MS4A13: variants seen among roughly 807,000 people sequenced by gnomAD.
MS4A13 encodes the protein membrane-spanning 4-domains subfamily A member 13.
A neutral mutation model predicts 18.4 loss-of-function variants in MS4A13; 21 were observed. The ratio of observed to expected loss-of-function variants is 1.14; its 90% CI spans 0.81 to 1.64. The LOEUF (loss-of-function observed/expected upper bound fraction) is 1.64. Ranked by LOEUF, MS4A13 falls within the 40% of genes most tolerant of loss-of-function variation. The probability of loss-of-function intolerance (pLI) is 0.00; values close to 1 mark genes in which losing one functional copy is unlikely to be tolerated. For synonymous variants in MS4A13, 62 were observed against 57.2 expected (o/e 1.08, Z -0.38); for missense variants, 173 against 176.8 (o/e 0.98, Z 0.12).
chr11:60,527,381 TC>T (rs1181999473), intron 5 of MS4A13, among the ~76,000 whole-genome samples: 1 of 113,034 alleles, frequency 8.8e-6, no homozygotes, highest in African/African-American at 4.5e-5. Flanking sequence ...TCTCTCTCTC[TC>T]TCTCTCTCTC....
rs138144316 is a variant in MS4A13 at position 60,524,386 on chromosome 11, T to C, written c.186+433T>C. ...AAGATCCATGCATGGTATAGGTGGA[T>C]AGAATTGGGAAGAACACTTTAGAAT... On this transcript the variant is annotated intron_variant, in intron 4 of 6. Coordinates refer to ENST00000378186, the MANE Select transcript of MS4A13 (RefSeq NM_001012417.3). Among the ~76,000 whole-genome samples the C allele has an allele frequency of 3.7e-3, 564 of 152,298 alleles. 6 individuals carry two copies. The highest frequency in any genetic ancestry group is 0.013 in the African/African-American group (540 of 41,572).
intron 3 of MS4A13, 148 bp downstream of exon 3, chr11:60,518,360 C>CT: frequency 1.5e-6 from 1 of 648,164 alleles, no homozygotes; most frequent in Non-Finnish European, 2.5e-6. Flanking sequence ...AGTCAGATTC[C>CT]TTTTTTCAAC....
Position 60,518,184 on chromosome 11 carries a change from A to G in MS4A13, c.101A>G (p.Lys34Arg). 1 of 1,611,692 alleles carries G rather than the reference A, an allele frequency of 6.2e-7. No homozygotes were observed. The highest frequency in any genetic ancestry group is 8.5e-7 in the Non-Finnish European group (1 of 1,178,510). ...GGAACGTATGAACCTGTAACTTACA[A>G]AACAGGATGTACTTTATGGGGAATT... ...AFGTYEPVTY[K>R]TGCTLWGIFF... Residue 34 changes from lysine (K) to arginine (R), a missense_variant, in exon 3 of 7, where the codon AAA becomes AGA. Physicochemically the swap from Lys to Arg is conservative, Grantham distance 26. Coordinates refer to ENST00000378186, the MANE Select transcript of MS4A13 (RefSeq NM_001012417.3).
At chr11:60,516,685 A>G (rs1359784470) in intron 2 of MS4A13, among the ~76,000 whole-genome samples, 1 of 152,086 alleles carries the variant, frequency 6.6e-6, no homozygotes, top group Non-Finnish European at 1.5e-5. Context: ...CCCTGGGGGC[A>G]GGGGGTAGGC....
At position 60,518,124 on chromosome 11, in the gene MS4A13, T is replaced by C; in HGVS notation, c.41T>C (p.Leu14Ser). The stretch of plus-strand genomic sequence containing the variant: ...CACATTTTCATGTGGTACTTTCTAT[T>C]GGTTTTGTATATGGGACAAATTAAA... ...IFHIFMWYFL[L>S]VLYMGQIKGA... The change falls in exon 3 of 7, where the codon TTG (leucine) becomes TCG (serine). Residue 14 changes from leucine to serine, a missense_variant. Leu to Ser is a moderately radical substitution (Grantham distance 145). Coordinates refer to ENST00000378186, the MANE Select transcript of MS4A13 (RefSeq NM_001012417.3). The C allele has an allele frequency of 6.2e-7, 1 of 1,608,996 alleles. No individual in the cohort carries two copies. Among genetic ancestry groups the C allele is most frequent in the Non-Finnish European group, 8.5e-7 (1 of 1,175,988 alleles).
In MS4A13 at chr11:60,527,402, CTCTCTCTCTGTGTGTGTGTGTGTG is replaced by C. The variant is rs2086724904; in HGVS notation, c.307-1961_307-1938del. Among the ~76,000 whole-genome samples, 9 of 81,642 alleles carry C rather than the reference CTCTCTCTCTGTGTGTGTGTGTGTG, an allele frequency of 1.1e-4. No individual in the cohort carries two copies. The South Asian group carries it at 3.9e-3, about 35-fold the overall frequency. The allele number at this position is 81,642 out of a possible 152,430, so 53.6% of individuals were successfully genotyped here. A position where few individuals can be genotyped will look rare whatever the true frequency, so the allele number is the denominator to read the frequency against. On this transcript the variant is annotated intron_variant, in intron 5 of 6. Coordinates refer to ENST00000378186, the MANE Select transcript of MS4A13 (RefSeq NM_001012417.3). ...TCTCTCTCTCTCTCTCTCTCTCTCTCTCTCTCTCTGTGTGTGTGTGTGTGTGTGTGTGTGTGTGTGTGTTTCCGT... is the reference window on the plus strand; with the variant it reads ...TCTCTCTCTCTCTCTCTCTCTCTCTCTGTGTGTGTGTGTGTGTGTTTCCGT...
At chr11:60,524,175 T>C (rs954929125) in intron 4 of MS4A13, among the ~76,000 whole-genome samples, 9 of 152,218 alleles carry the variant, frequency 5.9e-5, no homozygotes, top group African/African-American at 1.9e-4. Context: ...TAAATGTATA[T>C]ATAGTTTTTG....
At chr11:60,524,070 A>C in intron 4 of MS4A13, 117 bp downstream of exon 4, 1 of 608,264 alleles carries the variant, frequency 1.6e-6, no homozygotes, top group South Asian at 2.2e-5. Context: ...TGTAAAGTAA[A>C]TGAAAGAATT....
At chr11:60,526,638 C>T (rs949919897) in intron 5 of MS4A13, among the ~76,000 whole-genome samples, 6 of 152,198 alleles carry the variant, frequency 3.9e-5, no homozygotes, top group African/African-American at 1.2e-4. Context: ...TTTCTAGTGT[C>T]ATTACAGAAT....
intron 6 of MS4A13, among the ~76,000 whole-genome samples, chr11:60,538,668 A>C (rs2086831811): frequency 6.6e-6 from 1 of 151,262 alleles, no homozygotes; most frequent in African/African-American, 2.4e-5. Context: ...TGTCCCATCT[A>C]TCCTATGAGA....
At chr11:60,518,796 G>A (rs2086654904) in intron 3 of MS4A13, among the ~76,000 whole-genome samples, 1 of 152,186 alleles carries the variant, frequency 6.6e-6, no homozygotes, top group African/African-American at 2.4e-5. Flanking sequence ...TTTACAAGTA[G>A]TTTCAGTGGA....
chr11:60,525,707 G>A (rs1786688113), intron 5 of MS4A13, among the ~76,000 whole-genome samples: 1 of 152,132 alleles, frequency 6.6e-6, no homozygotes, highest in African/African-American at 2.4e-5. Context: ...TCAAATTGTA[G>A]ACACCTAGTA....
At chr11:60,520,172 G>T (rs1359347984) in intron 3 of MS4A13, among the ~76,000 whole-genome samples, 1 of 152,114 alleles carries the variant, frequency 6.6e-6, no homozygotes, top group Admixed American at 6.5e-5. Flanking sequence ...GAGGCTGGGG[G>T]GGTGGCGAGT....
chr11:60,523,903 A>G lies in MS4A13; in HGVS notation c.136A>G (p.Ile46Val). The change falls in exon 4 of 7, where the codon ATT becomes GTT. Residue 46 changes from isoleucine to valine, a missense_variant. Transcript: ENST00000378186. Reference protein sequence around the residue: ...GCTLWGIFFIIAGVFLIRVTK... With the variant: ...GCTLWGIFFIVAGVFLIRVTK... ...AATATGTTTTTATATCCAGTTTATC[A>G]TTGCAGGAGTCTTCCTAATAAGAGT... The G allele has an allele frequency of 6.6e-7, 1 of 1,515,564 alleles. No homozygotes were observed. Among genetic ancestry groups the G allele is most frequent in the Non-Finnish European group, 9.2e-7 (1 of 1,092,434 alleles). 93.9% of individuals were successfully genotyped at this position (1,515,564 alleles called of 1,614,324 possible).
At chr11:60,539,119 G>A (rs997373304) in intron 6 of MS4A13, among the ~76,000 whole-genome samples, 1 of 138,562 alleles carries the variant, frequency 7.2e-6, no homozygotes, top group South Asian at 2.3e-4. Context: ...GAGACCCTAA[G>A]CAGAAAACCA....
rs372542416 is a variant in MS4A13 at position 60,518,056 on chromosome 11, A to G, written c.-12-16A>G. The G allele has an allele frequency of 1.3e-6, 2 of 1,554,936 alleles. No homozygotes were observed. Among genetic ancestry groups the G allele is most frequent in the Non-Finnish European group, 1.8e-6 (2 of 1,141,558 alleles). On this transcript the variant is annotated splice_polypyrimidine_tract_variant and intron_variant, in intron 2 of 6. Transcript: ENST00000378186. ...AATTACATTATTTCGGTACTAACAT[A>G]ATTCTCTTCTCACAGACTATCCAGA...
chr11:60,523,895 A>T lies in MS4A13; in HGVS notation c.130-2A>T, dbSNP rs908062026. On this transcript the variant is annotated splice_acceptor_variant, in intron 3 of 6. Transcript: ENST00000378186. LOFTEE classifies it high-confidence loss of function. Reference sequence around the variant, plus strand: ...TATTTATAAATATGTTTTTATATCCAGTTTATCATTGCAGGAGTCTTCCTA... The same window carrying T: ...TATTTATAAATATGTTTTTATATCCTGTTTATCATTGCAGGAGTCTTCCTA... 49 of 1,471,046 alleles carry T rather than the reference A, an allele frequency of 3.3e-5. No homozygotes were observed. Among genetic ancestry groups the T allele is most frequent in the Non-Finnish European group, 4.7e-5 (49 of 1,052,502 alleles). 91.1% of individuals were successfully genotyped at this position (1,471,046 alleles called of 1,614,324 possible). A position where few individuals can be genotyped will look rare whatever the true frequency, so the allele number is the denominator to read the frequency against.
intron 6 of MS4A13, among the ~76,000 whole-genome samples, chr11:60,538,503 C>G (rs2086828997): frequency 6.6e-6 from 1 of 151,556 alleles, no homozygotes; most frequent in East Asian, 1.9e-4. Flanking sequence ...ACCCTGTAAA[C>G]ATATCAAAAC....
intron 3 of MS4A13, among the ~76,000 whole-genome samples, chr11:60,523,683 C>G (rs566080449): frequency 2.0e-5 from 3 of 152,170 alleles, no homozygotes; most frequent in Admixed American, 2.0e-4. Flanking sequence ...TGCCCACTGT[C>G]CCCTATGTGT....
Sources: gnomAD v4.1 joint callset for allele counts (sites outside exome capture counted in the v4.1 genomes callset) on GRCh38, gnomAD v4.1.1 for gene constraint, MANE v1.5 for transcripts, NCBI Gene and HGNC (gene_info 2026-07-23, HGNC 2026-07-21) for gene names.